RPRD1A: variants seen among roughly 807,000 people sequenced by gnomAD.
The protein encoded by RPRD1A is regulation of nuclear pre-mRNA domain containing 1A, also known as regulation of nuclear pre-mRNA domain-containing protein 1A.
In RPRD1A, 9 loss-of-function variants were observed where a neutral mutation model predicts 37.8. The observed-to-expected ratio is 0.24, with a 90% CI of 0.14 to 0.42. RPRD1A has a LOEUF of 0.42. Among genes scored for constraint, RPRD1A ranks in the 10% least tolerant of loss-of-function variants. The pLI is 1.00. For missense variants in RPRD1A, 255 were observed against 371.0 expected, an observed-to-expected ratio of 0.69 and a Z score of 2.57; for synonymous variants, 138 against 139.7, an observed-to-expected ratio of 0.99 and a Z score of 0.08.
intron 1 of RPRD1A, among the ~76,000 whole-genome samples, chr18:36,046,649 T>C (rs756590354): frequency 4.0e-5 from 6 of 150,802 alleles, no homozygotes; most frequent in African/African-American, 7.3e-5. Context: ...CGGGGCAACA[T>C]GGTGAAACCC....
At position 36,027,241 on chromosome 18, in the gene RPRD1A, T is replaced by G. The variant is rs775556895; in HGVS notation, c.556A>C (p.Arg186=). Residue 186 remains arginine (R), a synonymous_variant, in exon 5 of 7, where the codon AGG becomes CGG. Coordinates refer to ENST00000399022, the MANE Select transcript of RPRD1A (RefSeq NM_018170.5). ...AASGDAAVHQ[R]IASLPVEVQE... is the part of the protein sequence containing the mutation. Reference sequence around the variant, plus strand: ...ACTTCAACAGGTAAAGAAGCTATCCTCTGATGAACTGCTGCATCACCTGAG... The same window carrying G: ...ACTTCAACAGGTAAAGAAGCTATCCGCTGATGAACTGCTGCATCACCTGAG... 1 of 1,613,510 alleles carries G rather than the reference T, an allele frequency of 6.2e-7. No homozygotes were observed. Among genetic ancestry groups the G allele is most frequent in the Non-Finnish European group, 8.5e-7 (1 of 1,179,416 alleles).
chr18:36,046,845 C>T (rs1912991891), intron 1 of RPRD1A, among the ~76,000 whole-genome samples: 1 of 150,144 alleles, frequency 6.7e-6, no homozygotes, highest in Non-Finnish European at 1.5e-5. Context: ...AAAAAAAAAC[C>T]TAGAGTCTCA....
intron 1 of RPRD1A, among the ~76,000 whole-genome samples, chr18:36,041,032 C>T (rs1022886978): frequency 1.3e-5 from 2 of 152,148 alleles, no homozygotes; most frequent in African/African-American, 4.8e-5. Flanking sequence ...ATTAAGTATT[C>T]TTGAAGTTGA....
At chr18:36,054,711 G>A (rs1238123423) in intron 1 of RPRD1A, among the ~76,000 whole-genome samples, 1 of 152,072 alleles carries the variant, frequency 6.6e-6, no homozygotes, top group East Asian at 1.9e-4. Flanking sequence ...AGAGACCCAG[G>A]GGAGCCAATG....
chr18:36,045,827 G>C (rs1455402238), intron 1 of RPRD1A, among the ~76,000 whole-genome samples: 1 of 152,138 alleles, frequency 6.6e-6, no homozygotes, highest in Non-Finnish European at 1.5e-5. Flanking sequence ...AATGAAATTA[G>C]ACAAATTCTA....
intron 6 of RPRD1A, among the ~76,000 whole-genome samples, chr18:35,999,409 A>T (rs1426594099): frequency 6.6e-6 from 1 of 152,190 alleles, no homozygotes; most frequent in Non-Finnish European, 1.5e-5. Context: ...AGTGCTATAT[A>T]ATTGTGGTTA....
chr18:36,047,244 G>A (rs1913026076), intron 1 of RPRD1A, among the ~76,000 whole-genome samples: 2 of 148,092 alleles, frequency 1.4e-5, no homozygotes, highest in African/African-American at 5.3e-5. Context: ...AATAAAGCAA[G>A]AGCCATCATA....
intron 1 of RPRD1A, among the ~76,000 whole-genome samples, chr18:36,038,661 T>C (rs560982007): frequency 2.6e-5 from 4 of 152,296 alleles, no homozygotes; most frequent in African/African-American, 7.2e-5. Flanking sequence ...GACCTCAGAA[T>C]GGTAGATCCA....
rs538978138 is a variant in RPRD1A at position 36,039,558 on chromosome 18, T to C, written c.152-5721A>G. Among the ~76,000 whole-genome samples, 6 of 152,380 alleles carry C rather than the reference T, an allele frequency of 3.9e-5. No homozygotes were observed. In the South Asian group the frequency reaches 1.2e-3, roughly 32 times the overall value. On this transcript the variant is annotated intron_variant, in intron 1 of 6. Transcript: ENST00000399022. Reference sequence around the variant, plus strand: ...TGTCATCTCTAGTTCCACTACTTCATAATCAGTTCATAGTTTTAGTTGTTC... The same window carrying C: ...TGTCATCTCTAGTTCCACTACTTCACAATCAGTTCATAGTTTTAGTTGTTC...
intron 1 of RPRD1A, among the ~76,000 whole-genome samples, chr18:36,061,202 G>A (rs913552929): frequency 4.6e-5 from 7 of 152,056 alleles, no homozygotes; most frequent in Non-Finnish European, 8.8e-5. Context: ...AACTAAACAC[G>A]AAATTTATAT....
intron 2 of RPRD1A, 83 bp from the exon 3 acceptor site, chr18:36,031,180 A>C: frequency 7.1e-7 from 1 of 1,398,762 alleles, no homozygotes; most frequent in Non-Finnish European, 9.3e-7. Flanking sequence ...GGTAACTTTA[A>C]ATATAATCAG....
At chr18:36,040,768 T>C (rs1055683204) in intron 1 of RPRD1A, 9 of 1,245,400 alleles carry the variant, frequency 7.2e-6, no homozygotes, top group Non-Finnish European at 1.0e-5. Flanking sequence ...TTTAGGCAAG[T>C]GGTACTTACA....
At chr18:36,000,216 CTTGGT>C (rs1443932758) in intron 6 of RPRD1A, among the ~76,000 whole-genome samples, 2 of 152,156 alleles carry the variant, frequency 1.3e-5, no homozygotes, top group African/African-American at 4.8e-5. Flanking sequence ...TCAAATTTGG[CTTGGT>C]ATCTAATCCT....
intron 6 of RPRD1A, among the ~76,000 whole-genome samples, chr18:36,017,939 C>T (rs1035338202): frequency 8.5e-5 from 13 of 152,172 alleles, no homozygotes; most frequent in African/African-American, 2.9e-4. Flanking sequence ...TTCTTATTCA[C>T]GTTATTCTCA....
chr18:36,040,544 G>A (rs187738803), intron 1 of RPRD1A, among the ~76,000 whole-genome samples: 1 of 152,178 alleles, frequency 6.6e-6, no homozygotes, highest in African/African-American at 2.4e-5. Flanking sequence ...GAGAAGTACT[G>A]AAGTTTTAAT....
At chr18:36,025,509 A>AGTTTTTAAACTT in intron 6 of RPRD1A, 1 of 586,070 alleles carries the variant, frequency 1.7e-6, no homozygotes, top group South Asian at 1.9e-5. Context: ...AACAGTGACA[A>AGTTTTTAAACTT]ATGACCATCA....
rs537242413 is a variant in RPRD1A at position 36,050,957 on chromosome 18, G to A, written c.151+16297C>T. On this transcript the variant is annotated intron_variant, in intron 1 of 6. Transcript: ENST00000399022. ...GGTGTGTGGCATTAAAAATACAGTT[G>A]ACTTTTGAATAACACAGGTGTTACA... Among the ~76,000 whole-genome samples the A allele has an allele frequency of 5.0e-4, 75 of 148,958 alleles. 1 individual carries two copies. The highest frequency in any genetic ancestry group is 1.8e-3 in the African/African-American group (73 of 40,376).
intron 1 of RPRD1A, among the ~76,000 whole-genome samples, chr18:36,041,207 A>C (rs1042651097): frequency 2.0e-5 from 3 of 152,156 alleles, no homozygotes; most frequent in Non-Finnish European, 4.4e-5. Flanking sequence ...AATCATAAAA[A>C]TTTTTCATTA....
intron 1 of RPRD1A, among the ~76,000 whole-genome samples, chr18:36,037,613 A>G (rs1912286627): frequency 6.6e-6 from 1 of 152,202 alleles, no homozygotes; most frequent in South Asian, 2.1e-4. Context: ...TGTGGAAGCC[A>G]CTTTGGAACT....
Sources: allele counts gnomAD v4.1 joint callset (sites outside exome capture counted in the v4.1 genomes callset), GRCh38; gene constraint gnomAD v4.1.1; transcripts MANE v1.5; gene names NCBI Gene and HGNC (gene_info 2026-07-23, HGNC 2026-07-21).